TNIP3: variants seen among roughly 807,000 people sequenced by gnomAD.
The protein encoded by TNIP3 is TNFAIP3 interacting protein 3, also known as TNFAIP3-interacting protein 3.
Under a neutral mutation model 54.1 loss-of-function variants are expected in TNIP3, and 34 were observed. That is an observed-to-expected ratio of 0.63 (90% CI 0.48 to 0.84). The LOEUF (loss-of-function observed/expected upper bound fraction) is 0.84. TNIP3 is among the 40% of genes least tolerant of loss of function. TNIP3 has a pLI of 0.00. For synonymous variants in TNIP3, 134 were observed against 136.8 expected (o/e 0.98, Z 0.14); for missense variants, 366 against 387.6 (o/e 0.94, Z 0.47).
chr4:121,223,282 A>G (rs1377849640), intron 1 of TNIP3, among the ~76,000 whole-genome samples: 1 of 152,214 alleles, frequency 6.6e-6, no homozygotes, highest in Non-Finnish European at 1.5e-5. Flanking sequence ...GAGCCAATTT[A>G]TCAGATATCT....
chr4:121,161,815 T>G (rs931468868), intron 1 of TNIP3, among the ~76,000 whole-genome samples: 2 of 150,672 alleles, frequency 1.3e-5, no homozygotes, highest in Admixed American at 1.3e-4. Flanking sequence ...ATTACTGGCA[T>G]AATGAAAATT....
At chr4:121,140,078 G>C (rs1320667087) in intron 9 of TNIP3, among the ~76,000 whole-genome samples, 4 of 152,128 alleles carry the variant, frequency 2.6e-5, no homozygotes, top group Non-Finnish European at 5.9e-5. Context: ...GCTCATGCCT[G>C]TAATCTCAGC....
intron 2 of TNIP3, among the ~76,000 whole-genome samples, chr4:121,198,986 G>C (rs1725741639): frequency 6.6e-6 from 1 of 152,166 alleles, no homozygotes; most frequent in African/African-American, 2.4e-5. Context: ...AAAGGGTATA[G>C]ATCCTCTTTG....
chr4:121,179,126 A>T (rs139435681), intron 3 of TNIP3, among the ~76,000 whole-genome samples: 1 of 152,346 alleles, frequency 6.6e-6, no homozygotes, highest in East Asian at 1.9e-4. Flanking sequence ...AGTAAACAGC[A>T]TGTGAAATGA....
intron 2 of TNIP3, among the ~76,000 whole-genome samples, chr4:121,190,261 T>C (rs1459259225): frequency 6.6e-6 from 1 of 152,222 alleles, no homozygotes; most frequent in Admixed American, 6.5e-5. Flanking sequence ...TACTCATATT[T>C]AGTATCCTTT....
At chr4:121,149,020 C>A (rs903117732) in intron 6 of TNIP3, among the ~76,000 whole-genome samples, 1 of 152,128 alleles carries the variant, frequency 6.6e-6, no homozygotes, top group African/African-American at 2.4e-5. Context: ...TGAACCATTC[C>A]AGATTTTTCT....
chr4:121,153,854 G>A lies in TNIP3; in HGVS notation c.492+697C>T, dbSNP rs145485288. ...ATCATGAAATATCTAGTTGAGAGAG[G>A]CATATCTCAACTCAACCATGTGCTA... On this transcript the variant is annotated intron_variant, in intron 5 of 10. Coordinates refer to ENST00000057513, the MANE Select transcript of TNIP3 (RefSeq NM_024873.6). Among the ~76,000 whole-genome samples the A allele has an allele frequency of 3.9e-3, 591 of 152,216 alleles. 5 individuals are homozygous for A. Among genetic ancestry groups the A allele is most frequent in the Admixed American group, 8.0e-3 (122 of 15,290 alleles).
At chr4:121,205,636 T>C (rs1726139611) in intron 2 of TNIP3, among the ~76,000 whole-genome samples, 2 of 151,990 alleles carry the variant, frequency 1.3e-5, no homozygotes, top group African/African-American at 4.8e-5. Context: ...TTGGACAGAA[T>C]GGTAGTGAGG....
intron 2 of TNIP3, among the ~76,000 whole-genome samples, chr4:121,211,944 T>C (rs115961927): frequency 0.011 from 1,720 of 152,330 alleles, 29 homozygotes; most frequent in African/African-American, 0.038. Flanking sequence ...TCCATGGAAG[T>C]AAAAGCTGAG....
chr4:121,147,347 G>T (rs1729491546), intron 6 of TNIP3, among the ~76,000 whole-genome samples, 173 bp from the exon 7 acceptor site: 1 of 152,204 alleles, frequency 6.6e-6, no homozygotes, highest in Admixed American at 6.5e-5. Context: ...GGGCTTTGAT[G>T]TATGAATACT....
At chr4:121,163,679 CT>C (rs1353379499) in intron 1 of TNIP3, among the ~76,000 whole-genome samples, 1 of 152,104 alleles carries the variant, frequency 6.6e-6, no homozygotes, top group Non-Finnish European at 1.5e-5. Context: ...GTCTCTGTTG[CT>C]GAACAAAATC....
chr4:121,223,087 A>G (rs1423890131), intron 1 of TNIP3, among the ~76,000 whole-genome samples: 6 of 152,088 alleles, frequency 3.9e-5, no homozygotes, highest in Non-Finnish European at 8.8e-5. Context: ...TTCCAGGCGC[A>G]AGCCACCGCG....
At position 121,131,409 on chromosome 4, in the gene TNIP3, T is replaced by G. The variant is rs1160338195; in HGVS notation, c.*1222A>C. 1 of 151,738 alleles carries G rather than the reference T, an allele frequency of 6.6e-6. No homozygotes were observed. The highest frequency in any genetic ancestry group is 6.6e-5 in the Admixed American group (1 of 15,228). 9.4% of individuals were successfully genotyped at this position (151,738 alleles called of 1,614,324 possible). On this transcript the variant is annotated 3_prime_UTR_variant, in exon 11 of 11. Coordinates refer to ENST00000057513, the MANE Select transcript of TNIP3 (RefSeq NM_024873.6). The stretch of plus-strand genomic sequence containing the variant: ...CTATAAGATTTAATTGCAATAAAAT[T>G]TCAATAAATTCCATTTTCATTTTAA...
intron 3 of TNIP3, among the ~76,000 whole-genome samples, chr4:121,173,302 C>T (rs1009935535): frequency 7.2e-5 from 11 of 152,286 alleles, no homozygotes; most frequent in African/African-American, 1.7e-4. Context: ...TGACCTTTGA[C>T]GTTGTATCCA....
At chr4:121,194,314 A>T (rs1388508136) in intron 2 of TNIP3, among the ~76,000 whole-genome samples, 1 of 152,226 alleles carries the variant, frequency 6.6e-6, no homozygotes, top group African/African-American at 2.4e-5. Context: ...TGATAAGTTT[A>T]AAATTATTTT....
intron 2 of TNIP3, among the ~76,000 whole-genome samples, chr4:121,199,840 C>T (rs764355721): frequency 6.6e-6 from 1 of 152,170 alleles, no homozygotes; most frequent in Non-Finnish European, 1.5e-5. Context: ...TACCTGAGGA[C>T]GGTTGTGTAG....
intron 3 of TNIP3, among the ~76,000 whole-genome samples, chr4:121,173,846 G>T (rs904185261): frequency 9.9e-5 from 15 of 152,166 alleles, no homozygotes; most frequent in Non-Finnish European, 1.6e-4. Context: ...GGCCAAGCTG[G>T]TCTCAAACTC....
intron 3 of TNIP3, among the ~76,000 whole-genome samples, chr4:121,173,393 A>G (rs1391085908): frequency 6.6e-6 from 1 of 152,236 alleles, no homozygotes; most frequent in African/African-American, 2.4e-5. Context: ...TGGTCAGAAA[A>G]GAGAAATTCA....
chr4:121,192,846 C>T lies in TNIP3; in HGVS notation c.69-10050G>A, dbSNP rs983859601. The T allele has an allele frequency of 2.6e-5, 4 of 152,068 alleles. No homozygotes were observed. In the East Asian group the frequency reaches 7.7e-4, roughly 29 times the overall value. The allele number at this position is 152,068 out of a possible 1,614,324, so 9.4% of individuals were successfully genotyped here. ...TTGCATTGCATCCTTTCATGTAGGC[C>T]GTGCTAATTGCCTCTGTATTCTTCC... On this transcript the variant is annotated intron_variant, in intron 2 of 12. Coordinates refer to the TNIP3 transcript ENST00000507879.
Sources: gnomAD v4.1 joint callset for allele counts (sites outside exome capture counted in the v4.1 genomes callset) on GRCh38, gnomAD v4.1.1 for gene constraint, MANE v1.5 for transcripts, NCBI Gene and HGNC (gene_info 2026-07-23, HGNC 2026-07-21) for gene names.